USP34: variants seen among roughly 807,000 people sequenced by gnomAD.
USP34 encodes ubiquitin carboxyl-terminal hydrolase 34.
A neutral mutation model predicts 460.3 loss-of-function variants in USP34; 70 were observed. The observed-to-expected ratio is 0.15, with a 90% CI of 0.13 to 0.19. The LOEUF (loss-of-function observed/expected upper bound fraction) is 0.19, where lower values mean the gene tolerates loss of function less well. USP34 is among the 10% of genes least tolerant of loss of function. The pLI, the probability that USP34 is intolerant of heterozygous loss-of-function variation, is 1.00. For missense variants in USP34, 3,985 were observed against 4,236.2 expected (o/e 0.94, Z 1.65); for synonymous variants, 1,647 against 1,405.3 (o/e 1.17, Z -3.85).
At chr2:61,278,493 ACC>A in intron 39 of USP34, 50 bp from the exon 40 acceptor site, 2 of 1,334,278 alleles carry the variant, frequency 1.5e-6, no homozygotes, top group Non-Finnish European at 2.0e-6. Flanking sequence ...TTTATGTTTT[ACC>A]AAACATAAAA....
intron 41 of USP34, among the ~76,000 whole-genome samples, chr2:61,271,863 T>C (rs573413229): frequency 7.9e-5 from 12 of 152,332 alleles, no homozygotes; most frequent in African/African-American, 2.9e-4. Context: ...TTAAAAATAC[T>C]TAAGGAAAAA....
chr2:61,366,992 C>CA (rs1405629391), intron 10 of USP34, among the ~76,000 whole-genome samples: 1 of 151,904 alleles, frequency 6.6e-6, no homozygotes, highest in African/African-American at 2.4e-5. Context: ...GAAGCTGCAG[C>CA]AAGTCAAGAC....
chr2:61,439,732 T>C (rs1038041040), intron 1 of USP34, among the ~76,000 whole-genome samples: 2 of 152,188 alleles, frequency 1.3e-5, no homozygotes, highest in Non-Finnish European at 2.9e-5. Flanking sequence ...GACCCTTGCC[T>C]GTGTCTCACC....
intron 5 of USP34, among the ~76,000 whole-genome samples, chr2:61,386,452 A>G (rs747803557): frequency 1.3e-5 from 2 of 152,206 alleles, no homozygotes; most frequent in Non-Finnish European, 2.9e-5. Context: ...AAGCAATAAT[A>G]CTTGTTTCCT....
chr2:61,328,691 C>T, intron 20 of USP34, among the ~76,000 whole-genome samples: 1 of 152,204 alleles, frequency 6.6e-6, no homozygotes, highest in East Asian at 1.9e-4. Context: ...ACCACAGAAG[C>T]AATGCTTTGC....
intron 1 of USP34, among the ~76,000 whole-genome samples, chr2:61,423,716 GGAA>G (rs1409109875): frequency 3.3e-5 from 5 of 152,156 alleles, no homozygotes; most frequent in Non-Finnish European, 5.9e-5. Flanking sequence ...GGTTGAGGCA[GGAA>G]GACTGCTTGA....
intron 10 of USP34, among the ~76,000 whole-genome samples, chr2:61,364,304 A>G (rs1468774342): frequency 1.3e-5 from 2 of 152,202 alleles, no homozygotes; most frequent in Non-Finnish European, 2.9e-5. Flanking sequence ...TTGAGGCTGC[A>G]GCAGTGAGCT....
chr2:61,241,422 A>T, intron 53 of USP34, 138 bp downstream of exon 53: 1 of 579,324 alleles, frequency 1.7e-6, no homozygotes, highest in East Asian at 3.2e-5. Flanking sequence ...AGTATTACCA[A>T]GACTATTTGT....
chr2:61,309,892 G>A (rs971681291), intron 27 of USP34, among the ~76,000 whole-genome samples: 73 of 152,274 alleles, frequency 4.8e-4, no homozygotes, highest in African/African-American at 1.8e-3. Context: ...CATCTGTAGG[G>A]AAGGTTTATA....
chr2:61,314,860 T>G lies in USP34; in HGVS notation c.3382+15A>C. On this transcript the variant is annotated intron_variant, in intron 24 of 79. Coordinates refer to ENST00000398571, the MANE Select transcript of USP34 (RefSeq NM_014709.4). ...CATAGAAATTACCTATCAGACAATG[T>G]TTCAAATCACTTACCATTAATATAA... The G allele has an allele frequency of 6.2e-7, 1 of 1,601,640 alleles. No homozygotes were observed. Among genetic ancestry groups the G allele is most frequent in the East Asian group, 2.2e-5 (1 of 44,756 alleles).
At chr2:61,333,270 A>C (rs1247803375) in intron 19 of USP34, among the ~76,000 whole-genome samples, 1 of 152,054 alleles carries the variant, frequency 6.6e-6, no homozygotes, top group Non-Finnish European at 1.5e-5. Context: ...AATATCCCTT[A>C]TCCAAAATGC....
At chr2:61,456,815 C>T (rs894528443) in intron 1 of USP34, among the ~76,000 whole-genome samples, 3 of 151,186 alleles carry the variant, frequency 2.0e-5, no homozygotes, top group African/African-American at 7.3e-5. Flanking sequence ...AAATAAAAAA[C>T]ACCAAAACGA....
Position 61,265,897 on chromosome 2 carries a change from A to G in USP34, c.5617+87T>C, listed in dbSNP as rs1689031640. 5 of 1,231,804 alleles carry G rather than the reference A, an allele frequency of 4.1e-6. No individual in the cohort carries two copies. In the East Asian group the frequency reaches 7.2e-5, roughly 18 times the overall value. 76.3% of individuals were successfully genotyped at this position (1,231,804 alleles called of 1,614,324 possible). On this transcript the variant is annotated intron_variant, in intron 42 of 79. Transcript: ENST00000398571. ...ATTTATAATGTTAAAGTGTGTGAAGAGCAGATTCTTTTGTTAAACAGTGCC... is the reference window on the plus strand; with the variant it reads ...ATTTATAATGTTAAAGTGTGTGAAGGGCAGATTCTTTTGTTAAACAGTGCC...
chr2:61,351,689 G>A (rs1287910385), intron 10 of USP34, among the ~76,000 whole-genome samples: 1 of 151,710 alleles, frequency 6.6e-6, no homozygotes, highest in Non-Finnish European at 1.5e-5. Flanking sequence ...TCTCTTTCAG[G>A]GTAAATATGC....
chr2:61,325,188 C>T (rs1426174136), intron 21 of USP34, among the ~76,000 whole-genome samples, 187 bp downstream of exon 21: 1 of 151,738 alleles, frequency 6.6e-6, no homozygotes, highest in Non-Finnish European at 1.5e-5. Flanking sequence ...AAGCCCAATC[C>T]CTACCAGTAC....
rs77384994 is a variant in USP34 at position 61,190,663 on chromosome 2, A to G, written c.9589-5T>C. 5.0e-6 allele frequency: 8 copies of G among 1,611,688 alleles called. No individual in the cohort carries two copies. The East Asian group carries it at 1.8e-4, about 36-fold the overall frequency. Reference sequence around the variant, plus strand: ...GCAGTTTTTTGACATAGCAGACTAAAGTGGGGAGAAGATGGTTGAGCACTT... The same window carrying G: ...GCAGTTTTTTGACATAGCAGACTAAGGTGGGGAGAAGATGGTTGAGCACTT... On this transcript the variant is annotated splice_polypyrimidine_tract_variant and splice_region_variant and intron_variant, in intron 76 of 79. Coordinates refer to ENST00000398571, the MANE Select transcript of USP34 (RefSeq NM_014709.4).
At chr2:61,382,272 T>C (rs1323526825) in intron 6 of USP34, among the ~76,000 whole-genome samples, 1 of 152,166 alleles carries the variant, frequency 6.6e-6, no homozygotes, top group Admixed American at 6.5e-5. Flanking sequence ...CCATACTCCT[T>C]ACAGTGGCCT....
At chr2:61,295,448 G>A (rs917200163) in intron 30 of USP34, among the ~76,000 whole-genome samples, 158 bp from the exon 31 acceptor site, 1 of 151,988 alleles carries the variant, frequency 6.6e-6, no homozygotes, top group African/African-American at 2.4e-5. Flanking sequence ...TGGCACAAAT[G>A]GTATGCTTAA....
intron 29 of USP34, among the ~76,000 whole-genome samples, chr2:61,298,475 T>C (rs904518672): frequency 1.6e-5 from 2 of 122,486 alleles, no homozygotes; most frequent in African/African-American, 6.4e-5. Flanking sequence ...GAGGCGGAGG[T>C]TGCAGTGAGC....
Sources: gnomAD v4.1 joint callset for allele counts (sites outside exome capture counted in the v4.1 genomes callset) on GRCh38, gnomAD v4.1.1 for gene constraint, MANE v1.5 for transcripts, NCBI Gene and HGNC (gene_info 2026-07-23, HGNC 2026-07-21) for gene names.